The following SMAD9 variants were observed in gnomAD, a reference collection of about 807,000 sequenced individuals.
SMAD9 encodes MAD homolog 9.
Under a neutral mutation model 46.1 loss-of-function variants are expected in SMAD9, and 36 were observed. That is an observed-to-expected ratio of 0.78 (90% CI 0.60 to 1.03). SMAD9 has a LOEUF of 1.03. Ranked by LOEUF, SMAD9 falls within the 50% of genes least tolerant of loss-of-function variation. SMAD9 has a pLI of 0.00. For synonymous variants in SMAD9, 245 were observed against 237.1 expected, an observed-to-expected ratio of 1.03 and a Z score of -0.31; for missense variants, 572 against 599.8, an observed-to-expected ratio of 0.95 and a Z score of 0.48.
rs186639913 is a variant in SMAD9 at position 36,845,366 on chromosome 13, C to G, written c.*3310G>C. Reference sequence around the variant, plus strand: ...AGGTATATGTGTTAAGTAGTGACATCTTTATAGTTCCAAAGCACTCGCAGC... The same window carrying G: ...AGGTATATGTGTTAAGTAGTGACATGTTTATAGTTCCAAAGCACTCGCAGC... On this transcript the variant is annotated 3_prime_UTR_variant, in exon 7 of 7. Transcript: ENST00000379826. The G allele has an allele frequency of 4.8e-4, 73 of 152,260 alleles. No individual in the cohort carries two copies. Among genetic ancestry groups the G allele is most frequent in the African/African-American group, 1.7e-3 (71 of 41,550 alleles). The allele number at this position is 152,260 out of a possible 1,614,324, so 9.4% of individuals were successfully genotyped here. A position where few individuals can be genotyped will look rare whatever the true frequency, so the allele number is the denominator to read the frequency against.
Position 36,848,211 on chromosome 13 carries a change from A to T in SMAD9, c.*465T>A, listed in dbSNP as rs1467478866. 6.3e-6 allele frequency: 1 copy of T among 159,060 alleles called. No homozygotes were observed. The highest frequency in any genetic ancestry group is 1.4e-5 in the Non-Finnish European group (1 of 72,110). The allele number at this position is 159,060 out of a possible 1,614,324, so 9.9% of individuals were successfully genotyped here. On this transcript the variant is annotated 3_prime_UTR_variant, in exon 7 of 7. Coordinates refer to ENST00000379826, the MANE Select transcript of SMAD9 (RefSeq NM_001127217.3). ...TTGTTGTTTTTTTTTTCTTGCCAAC[A>T]GCACTAAAAGTGACATCATTTAAAC...
chr13:36,907,509 G>A (rs1237530263), intron 1 of SMAD9, among the ~76,000 whole-genome samples: 1 of 152,016 alleles, frequency 6.6e-6, no homozygotes, highest in African/African-American at 2.4e-5. Flanking sequence ...CTCTACAAAA[G>A]TGGTTGTTGT....
intron 1 of SMAD9, among the ~76,000 whole-genome samples, chr13:36,913,746 C>T (rs1473166942): frequency 3.3e-5 from 5 of 152,138 alleles, no homozygotes; most frequent in South Asian, 2.1e-4. Context: ...TATTCAACTC[C>T]TATTCCTAAA....
At chr13:36,863,007 T>G (rs1010638327) in intron 5 of SMAD9, among the ~76,000 whole-genome samples, 1 of 152,246 alleles carries the variant, frequency 6.6e-6, no homozygotes, top group African/African-American at 2.4e-5. Context: ...TGAGAGGCGA[T>G]GCTCAGTAAG....
At chr13:36,860,461 T>C (rs2058170097) in intron 5 of SMAD9, among the ~76,000 whole-genome samples, 1 of 150,400 alleles carries the variant, frequency 6.6e-6, no homozygotes, top group African/African-American at 2.5e-5. Flanking sequence ...CTTTTTTTTT[T>C]TTTTTTGAGA....
chr13:36,872,608 T>C, intron 3 of SMAD9, 50 bp downstream of exon 3: 2 of 1,593,032 alleles, frequency 1.3e-6, no homozygotes, highest in Non-Finnish European at 1.7e-6. Context: ...TAAATCATGA[T>C]GTTGGGCTTA....
At chr13:36,876,538 T>C (rs1307934376) in intron 2 of SMAD9, among the ~76,000 whole-genome samples, 1 of 152,168 alleles carries the variant, frequency 6.6e-6, no homozygotes, top group African/African-American at 2.4e-5. Flanking sequence ...ATTTTTAAAA[T>C]TGGGCTTATA....
At chr13:36,880,839 ATATTT>A (rs2058396667) in intron 1 of SMAD9, among the ~76,000 whole-genome samples, 1 of 152,226 alleles carries the variant, frequency 6.6e-6, no homozygotes, top group Non-Finnish European at 1.5e-5. Context: ...TTAAATAAAA[ATATTT>A]TATGTTAATA....
At chr13:36,865,908 G>C in intron 4 of SMAD9, 150 bp from the exon 5 acceptor site, 3 of 683,400 alleles carry the variant, frequency 4.4e-6, no homozygotes, top group Non-Finnish European at 7.7e-6. Flanking sequence ...AGAACCTGTA[G>C]CTCTCATGGG....
At chr13:36,869,276 G>T (rs1238885328) in intron 3 of SMAD9, among the ~76,000 whole-genome samples, 3 of 151,580 alleles carry the variant, frequency 2.0e-5, no homozygotes. Flanking sequence ...AGGCTAGAGT[G>T]CAGTGGCACA....
chr13:36,911,635 G>A (rs1213125778), intron 1 of SMAD9, among the ~76,000 whole-genome samples: 1 of 139,096 alleles, frequency 7.2e-6, no homozygotes, highest in African/African-American at 2.6e-5. Flanking sequence ...GGGGGCGGGT[G>A]GAGTTCATAA....
chr13:36,865,518 A>AT lies in SMAD9; in HGVS notation c.1003+18dup. The stretch of plus-strand genomic sequence containing the variant: ...ACATTTCGGCTAGATGACTAAAGGA[A>AT]TAACATCTTTGCTCTTACCCTTTCC... On this transcript the variant is annotated intron_variant, in intron 5 of 6. Coordinates refer to ENST00000379826, the MANE Select transcript of SMAD9 (RefSeq NM_001127217.3). 1 of 1,595,000 alleles carries AT rather than the reference A, an allele frequency of 6.3e-7. No homozygotes were observed. Among genetic ancestry groups the AT allele is most frequent in the South Asian group, 1.1e-5 (1 of 90,362 alleles).
chr13:36,874,340 T>A (rs2058324673), intron 2 of SMAD9, among the ~76,000 whole-genome samples: 1 of 152,132 alleles, frequency 6.6e-6, no homozygotes. Context: ...TCCTAGAGGA[T>A]CACCGCAAAG....
intron 1 of SMAD9, among the ~76,000 whole-genome samples, chr13:36,898,571 T>G (rs1297856178): frequency 6.6e-6 from 1 of 152,072 alleles, no homozygotes; most frequent in Non-Finnish European, 1.5e-5. Context: ...CTTGACCAAA[T>G]GAAGTTTATC....
At chr13:36,904,608 G>A (rs952683882) in intron 1 of SMAD9, among the ~76,000 whole-genome samples, 2 of 152,052 alleles carry the variant, frequency 1.3e-5, no homozygotes, top group Admixed American at 1.3e-4. Flanking sequence ...CACTCCAAGG[G>A]GCAACACTGC....
In SMAD9 at chr13:36,879,561, C is replaced by T. The variant is rs757549300; in HGVS notation, c.129G>A (p.Lys43=). 1.9e-6 allele frequency: 3 copies of T among 1,614,234 alleles called. 1 individual carries two copies. Among genetic ancestry groups the T allele is most frequent in the Non-Finnish European group, 2.5e-6 (3 of 1,180,040 alleles). The stretch of plus-strand genomic sequence containing the variant: ...TGGCTCCCTTCTTCTTCTTTAACTT[C>T]TTCACTAGAGAGTCCACTGCCTTCT... ...WAEKAVDSLV[K]KLKKKKGAMD... is the part of the protein sequence containing the mutation. The change falls in exon 2 of 7, where the codon AAG becomes AAA. Residue 43 remains lysine, a synonymous_variant. Coordinates refer to ENST00000379826, the MANE Select transcript of SMAD9 (RefSeq NM_001127217.3).
intron 1 of SMAD9, among the ~76,000 whole-genome samples, chr13:36,896,897 G>A (rs2058533093): frequency 6.6e-6 from 1 of 151,762 alleles, no homozygotes; most frequent in Non-Finnish European, 1.5e-5. Context: ...TTTTGAGGTA[G>A]CAAGAGTAAT....
rs773313419 is a variant in SMAD9 at position 36,872,748 on chromosome 13, T to C, written c.580A>G (p.Ser194Gly). 2 of 1,613,886 alleles carry C rather than the reference T, an allele frequency of 1.2e-6. No homozygotes were observed. The highest frequency in any genetic ancestry group is 1.1e-5 in the South Asian group (1 of 91,066). ...CACGGGGACTGGGAGAACGCGTGGC[T>C]GGGTGAGGGAGGGAGTGCAGAGCAC... ...PPCSALPPSP[S>G]HAFSQSPCTA... The change falls in exon 3 of 7, where the codon AGC (serine) becomes GGC (glycine). Residue 194 changes from serine to glycine, a missense_variant. By Grantham distance (56) the Ser-to-Gly change is moderately conservative. Transcript: ENST00000379826.
chr13:36,873,034 G>T, intron 2 of SMAD9, 119 bp from the exon 3 acceptor site: 2 of 1,118,068 alleles, frequency 1.8e-6, no homozygotes, highest in Non-Finnish European at 2.6e-6. Context: ...TTTCCCCTTG[G>T]GAACTACTCC....
Sources: gnomAD v4.1 joint callset for allele counts (sites outside exome capture counted in the v4.1 genomes callset) on GRCh38, gnomAD v4.1.1 for gene constraint, MANE v1.5 for transcripts, NCBI Gene and HGNC (gene_info 2026-07-23, HGNC 2026-07-21) for gene names.